CSRP3: variants seen among roughly 807,000 people sequenced by gnomAD.
CSRP3 encodes the protein cysteine and glycine-rich protein 3.
Under a neutral mutation model 24.3 loss-of-function variants are expected in CSRP3, and 24 were observed. The observed-to-expected ratio is 0.99, with a 90% confidence interval of 0.71 to 1.39. The LOEUF (loss-of-function observed/expected upper bound fraction) is 1.39. Among genes scored for constraint, CSRP3 ranks in the 40% most tolerant of loss-of-function variants. The pLI is 0.00. For missense variants in CSRP3, 240 were observed against 249.0 expected (o/e 0.96, Z 0.24); for synonymous variants, 105 against 94.0 (o/e 1.12, Z -0.68).
At chr11:19,184,666 C>T (rs1850495133) in intron 5 of CSRP3, among the ~76,000 whole-genome samples, 2 of 152,200 alleles carry the variant, frequency 1.3e-5, no homozygotes, top group Admixed American at 6.5e-5. Flanking sequence ...GCACTGTTTC[C>T]TCCTCTTCCC....
At chr11:19,188,804 C>A (rs1027846220) in intron 2 of CSRP3, among the ~76,000 whole-genome samples, 5 of 152,096 alleles carry the variant, frequency 3.3e-5, no homozygotes, top group Non-Finnish European at 5.9e-5. Context: ...GCCATTGAGG[C>A]TAATTTTGGT....
intron 2 of CSRP3, 76 bp from the exon 3 acceptor site, chr11:19,188,380 C>CG: frequency 1.3e-6 from 2 of 1,532,882 alleles, no homozygotes; most frequent in South Asian, 1.1e-5. Context: ...ATGCCATGCT[C>CG]GGGGCCAGAG....
intron 2 of CSRP3, 94 bp from the exon 3 acceptor site, chr11:19,188,398 A>T: frequency 7.2e-7 from 1 of 1,391,118 alleles, no homozygotes; most frequent in South Asian, 1.2e-5. Context: ...GAGACCCAGC[A>T]TGAGGGGCCC....
In CSRP3 at chr11:19,193,098, C is replaced by T. The variant is rs753182280; in HGVS notation, c.-28-622G>A. ...TAAAATCTCCTATTCCAAGTTATTCCTCATATCCATACATTCCTTTTTAAG... is the reference window on the plus strand; with the variant it reads ...TAAAATCTCCTATTCCAAGTTATTCTTCATATCCATACATTCCTTTTTAAG... On this transcript the variant is annotated intron_variant, in intron 1 of 5. Transcript: ENST00000265968. Among the ~76,000 whole-genome samples, 95 of 152,240 alleles carry T rather than the reference C, an allele frequency of 6.2e-4. 1 individual carries two copies. Among genetic ancestry groups the T allele is most frequent in the Admixed American group, 3.1e-3 (48 of 15,302 alleles).
intron 2 of CSRP3, among the ~76,000 whole-genome samples, chr11:19,189,874 G>C (rs1216800780): frequency 6.6e-6 from 1 of 152,136 alleles, no homozygotes; most frequent in Admixed American, 6.5e-5. Context: ...GATGAATTTG[G>C]GGGGAGAATG....
At position 19,182,603 on chromosome 11, in the gene CSRP3, C is replaced by T. The variant is rs936525460; in HGVS notation, c.*67G>A. ...GGAGAGGCTATTTGGGGAAAGGTAT[C>T]GATCTGTGCAGGATTACTTGGCAAG... On this transcript the variant is annotated 3_prime_UTR_variant, in exon 6 of 6. Transcript: ENST00000265968. The T allele has an allele frequency of 7.9e-6, 10 of 1,260,610 alleles. No individual in the cohort carries two copies. The highest frequency in any genetic ancestry group is 1.0e-5 in the Non-Finnish European group (9 of 857,412). 78.1% of individuals were successfully genotyped at this position (1,260,610 alleles called of 1,614,324 possible).
At chr11:19,193,068 A>G (rs1850641691) in intron 1 of CSRP3, among the ~76,000 whole-genome samples, 1 of 152,182 alleles carries the variant, frequency 6.6e-6, no homozygotes, top group Admixed American at 6.5e-5. Flanking sequence ...CATATTAATA[A>G]TATATAAAAT....
rs1412087900 is a variant in CSRP3, at chr11:19,185,045, G to T, written c.415C>A (p.Pro139Thr). 1 of 1,612,564 alleles carries T rather than the reference G, an allele frequency of 6.2e-7. No homozygotes were observed. The highest frequency in any genetic ancestry group is 2.2e-5 in the East Asian group (1 of 44,888). The change falls in exon 5 of 6, where the codon CCT becomes ACT. Residue 139 changes from proline to threonine, a missense_variant and splice_region_variant. By Grantham distance (38) the Pro-to-Thr change is conservative. Coordinates refer to ENST00000265968, the MANE Select transcript of CSRP3 (RefSeq NM_003476.5). ...AAEKVMGGGK[P>T]WHKTCFRCAI... ...CAGCGGAAACAGGTCTTGTGCCAAG[G>T]CTGAGGGGCACAGAAAAGTTGCATA... is the stretch of plus-strand genomic sequence containing the variant.
At position 19,192,402 on chromosome 11, in the gene CSRP3, G is replaced by T; in HGVS notation, c.47C>A (p.Thr16Asn). The T allele has an allele frequency of 6.2e-7, 1 of 1,614,180 alleles. No homozygotes were observed. Among genetic ancestry groups the T allele is most frequent in the South Asian group, 1.1e-5 (1 of 91,080 alleles). ...CTGGATTTCTTCTGCATGGTAGACG[G>T]TCTTTTCACAGGCTCCACATTTTGC... ...GGAKCGACEKTVYHAEEIQCN... is the reference protein window; with the variant it reads ...GGAKCGACEKNVYHAEEIQCN... Residue 16 changes from threonine to asparagine, a missense_variant, in exon 2 of 6, where the codon ACC becomes AAC. Coordinates refer to ENST00000265968, the MANE Select transcript of CSRP3 (RefSeq NM_003476.5).
chr11:19,193,107 A>G (rs770764315), intron 1 of CSRP3, among the ~76,000 whole-genome samples: 2 of 152,180 alleles, frequency 1.3e-5, no homozygotes, highest in Non-Finnish European at 2.9e-5. Context: ...CCTCATATCC[A>G]TACATTCCTT....
chr11:19,187,025 G>A (rs911120998), intron 3 of CSRP3, among the ~76,000 whole-genome samples: 3 of 152,216 alleles, frequency 2.0e-5, no homozygotes, highest in Non-Finnish European at 4.4e-5. Context: ...GAGGATCAGA[G>A]TGTGACTGCC....
intron 3 of CSRP3, among the ~76,000 whole-genome samples, chr11:19,187,591 C>T (rs557802939): frequency 5.9e-5 from 9 of 152,300 alleles, no homozygotes; most frequent in East Asian, 3.9e-4. Flanking sequence ...GATAATGTGG[C>T]GGGAACTCTA....
Position 19,182,662 on chromosome 11 carries a change from G to C in CSRP3, c.*8C>G, listed in dbSNP as rs368444918. ...GCTCGCAAAAAATCTGAGAAACGGC[G>C]CACCTCTTCATTCTTTCTTTTCCAC... On this transcript the variant is annotated 3_prime_UTR_variant, in exon 6 of 6. Transcript: ENST00000265968. 4 of 1,613,164 alleles carry C rather than the reference G, an allele frequency of 2.5e-6. No individual in the cohort carries two copies. Among genetic ancestry groups the C allele is most frequent in the Non-Finnish European group, 3.4e-6 (4 of 1,179,256 alleles).
In CSRP3 at chr11:19,188,613, AGTGT is replaced by A. The variant is rs138192808; in HGVS notation, c.113-313_113-310del. 7.0e-3 allele frequency among the ~76,000 whole-genome samples: 989 copies of A among 140,950 alleles called. 8 individuals are homozygous for A. Among genetic ancestry groups the A allele is most frequent in the African/African-American group, 0.021 (809 of 38,456 alleles). The allele number at this position is 140,950 out of a possible 152,430, so 92.5% of individuals were successfully genotyped here. ...GAGTCTTCCCAAATGACATCAGGGA[AGTGT>A]GTGTGTGTGTGTGTGTGTGTGTGTG... On this transcript the variant is annotated intron_variant, in intron 2 of 5. Coordinates refer to ENST00000265968, the MANE Select transcript of CSRP3 (RefSeq NM_003476.5).
chr11:19,189,914 A>C (rs1850588557), intron 2 of CSRP3, among the ~76,000 whole-genome samples: 1 of 152,198 alleles, frequency 6.6e-6, no homozygotes, highest in Non-Finnish European at 1.5e-5. Context: ...AGGTGTGTAC[A>C]CTTGTCTCTA....
chr11:19,200,566 G>C (rs762487569), intron 1 of CSRP3, among the ~76,000 whole-genome samples: 1 of 152,056 alleles, frequency 6.6e-6, no homozygotes, highest in Non-Finnish European at 1.5e-5. Flanking sequence ...TGGATGACAC[G>C]TGTGTCTGGG....
intron 1 of CSRP3, among the ~76,000 whole-genome samples, chr11:19,193,619 A>G (rs1167749971): frequency 6.6e-6 from 1 of 152,200 alleles, no homozygotes; most frequent in Non-Finnish European, 1.5e-5. Context: ...TTGGCCTTCC[A>G]AAGTGCTGGA....
chr11:19,194,121 A>ATC (rs1850658816), intron 1 of CSRP3, among the ~76,000 whole-genome samples: 1 of 152,164 alleles, frequency 6.6e-6, no homozygotes, highest in Admixed American at 6.5e-5. Context: ...ATTAACACTA[A>ATC]GCCCTCCTGG....
Position 19,182,661 on chromosome 11 carries a change from C to CG in CSRP3, c.*8dup. The CG allele has an allele frequency of 6.2e-7, 1 of 1,613,248 alleles. No homozygotes were observed. Among genetic ancestry groups the CG allele is most frequent in the South Asian group, 1.1e-5 (1 of 91,064 alleles). On this transcript the variant is annotated 3_prime_UTR_variant, in exon 6 of 6. Coordinates refer to ENST00000265968, the MANE Select transcript of CSRP3 (RefSeq NM_003476.5). ...GGCTCGCAAAAAATCTGAGAAACGG[C>CG]GCACCTCTTCATTCTTTCTTTTCCA...
Sources: allele counts gnomAD v4.1 joint callset (sites outside exome capture counted in the v4.1 genomes callset), GRCh38; gene constraint gnomAD v4.1.1; transcripts MANE v1.5; gene names NCBI Gene and HGNC (gene_info 2026-07-23, HGNC 2026-07-21).